Variants in MACC1 observed in about 807,000 individuals in gnomAD.
MACC1 encodes the protein metastasis-associated in colon cancer protein 1.
A neutral mutation model predicts 70.7 loss-of-function variants in MACC1; 79 were observed. The ratio of observed to expected loss-of-function variants is 1.12; its 90% CI spans 0.93 to 1.35. The LOEUF (loss-of-function observed/expected upper bound fraction) is 1.35. MACC1 is among the 40% of genes most tolerant of loss of function. The probability of loss-of-function intolerance (pLI) is 0.00; values close to 1 mark genes in which losing one functional copy is unlikely to be tolerated. For synonymous variants in MACC1, 361 were observed against 347.2 expected, an observed-to-expected ratio of 1.04 and a Z score of -0.44; for missense variants, 1,106 against 978.1, an observed-to-expected ratio of 1.13 and a Z score of -1.74.
intron 1 of MACC1, among the ~76,000 whole-genome samples, chr7:20,195,068 T>G (rs991765463): frequency 5.9e-5 from 9 of 152,198 alleles, no homozygotes; most frequent in Non-Finnish European, 5.9e-5. Context: ...GGAAAATTTT[T>G]TTCCTCCTAA....
intron 1 of MACC1, among the ~76,000 whole-genome samples, chr7:20,178,801 T>G (rs1375565899): frequency 6.6e-6 from 1 of 152,162 alleles, no homozygotes; most frequent in Non-Finnish European, 1.5e-5. Flanking sequence ...GGTTTCTCCA[T>G]GTTGGTCAGG....
chr7:20,163,241 T>C (rs1006264337), intron 3 of MACC1, among the ~76,000 whole-genome samples: 5 of 152,218 alleles, frequency 3.3e-5, no homozygotes, highest in African/African-American at 9.6e-5. Context: ...TTTTTACCTA[T>C]GAAATTTGCA....
At chr7:20,147,565 T>C (rs1420257373) in intron 6 of MACC1, 7 of 152,184 alleles carry the variant, frequency 4.6e-5, no homozygotes, top group Non-Finnish European at 7.3e-5. Context: ...ACATTTAACA[T>C]TACCTATAAT....
At position 20,136,355 on chromosome 7, in the gene MACC1, C is replaced by T. The variant is rs142565935; in HGVS notation, c.*4591G>A. ...CTTACTAATTATTATCCAGTGCTAA[C>T]CTCTCTGTCTCTACTCCCTCACATA... On this transcript the variant is annotated 3_prime_UTR_variant, in exon 7 of 7. Coordinates refer to ENST00000400331, the MANE Select transcript of MACC1 (RefSeq NM_182762.4). The T allele has an allele frequency of 1.6e-3, 240 of 152,298 alleles. 2 individuals carry two copies. The highest frequency in any genetic ancestry group is 5.5e-3 in the African/African-American group (230 of 41,558). 9.4% of individuals were successfully genotyped at this position (152,298 alleles called of 1,614,324 possible). A position where few individuals can be genotyped will look rare whatever the true frequency, so the allele number is the denominator to read the frequency against.
At chr7:20,158,159 A>T (rs751010535) in intron 5 of MACC1, 45 bp downstream of exon 5, 2 of 1,520,548 alleles carry the variant, frequency 1.3e-6, no homozygotes, top group Non-Finnish European at 1.7e-6. Context: ...TCAAGTTAAT[A>T]CAATTCTCGA....
intron 1 of MACC1, among the ~76,000 whole-genome samples, chr7:20,183,922 G>A (rs771510404): frequency 2.6e-5 from 4 of 151,938 alleles, no homozygotes; most frequent in Non-Finnish European, 5.9e-5. Context: ...TGGCCAGGCT[G>A]GTATCAAATT....
intron 1 of MACC1, among the ~76,000 whole-genome samples, chr7:20,191,379 G>A (rs1268500466): frequency 6.6e-6 from 1 of 152,190 alleles, no homozygotes; most frequent in East Asian, 1.9e-4. Flanking sequence ...GCATGGATGG[G>A]TGCCAAGCAA....
chr7:20,165,682 G>A (rs3095002), intron 2 of MACC1, among the ~76,000 whole-genome samples: 45,696 of 151,828 alleles, frequency 0.3, 7,904 homozygotes, highest in East Asian at 0.83. Flanking sequence ...GACAATTGCC[G>A]CCCAAAACAG....
intron 1 of MACC1, among the ~76,000 whole-genome samples, chr7:20,212,342 C>T (rs1201567677): frequency 6.6e-6 from 1 of 152,174 alleles, no homozygotes; most frequent in Non-Finnish European, 1.5e-5. Context: ...GATGTCTGTT[C>T]TGGCTGGAGA....
chr7:20,207,286 A>T (rs548967620), intron 1 of MACC1, among the ~76,000 whole-genome samples: 1 of 150,408 alleles, frequency 6.6e-6, no homozygotes, highest in Non-Finnish European at 1.5e-5. Context: ...GATTACAGGC[A>T]TGTGCCACCC....
rs747473071 is a variant in MACC1 at position 20,160,103 on chromosome 7, A to T, written c.258T>A (p.Asn86Lys). Residue 86 changes from asparagine (N) to lysine (K), a missense_variant, in exon 5 of 7, where the codon AAT becomes AAA. By Grantham distance (94) the Asn-to-Lys change is moderately conservative (BLOSUM62 0). Transcript: ENST00000400331. ...TGGAAATATTATTTCTCTTCCTGTTATTTCTTAGTTGAGTTATGTCATCCA... is the reference window on the plus strand; with the variant it reads ...TGGAAATATTATTTCTCTTCCTGTTTTTTCTTAGTTGAGTTATGTCATCCA... ...PFLDDITQLR[N>K]NRKRNNISIL... The T allele has an allele frequency of 1.9e-5, 30 of 1,612,838 alleles. No homozygotes were observed. The highest frequency in any genetic ancestry group is 3.3e-4 in the Middle Eastern group (2 of 6,082).
At chr7:20,176,941 T>C (rs144878301) in intron 1 of MACC1, among the ~76,000 whole-genome samples, 133 of 152,238 alleles carry the variant, frequency 8.7e-4, no homozygotes, top group African/African-American at 3.0e-3. Context: ...GATGTAACTA[T>C]AAAGGGGTAC....
chr7:20,172,039 T>C (rs1233140920), intron 1 of MACC1, among the ~76,000 whole-genome samples: 1 of 152,148 alleles, frequency 6.6e-6, no homozygotes, highest in African/African-American at 2.4e-5. Flanking sequence ...ACATAACTAA[T>C]GAGAATATTC....
chr7:20,193,868 C>T (rs1782709053), intron 1 of MACC1, among the ~76,000 whole-genome samples: 2 of 151,906 alleles, frequency 1.3e-5, no homozygotes, highest in South Asian at 2.1e-4. Flanking sequence ...TCTCCAACCC[C>T]GGCTCTGCCA....
intron 1 of MACC1, among the ~76,000 whole-genome samples, chr7:20,192,486 C>A (rs546866989): frequency 6.6e-6 from 1 of 152,306 alleles, no homozygotes; most frequent in Admixed American, 6.5e-5. Flanking sequence ...CAGCTAAGCC[C>A]TGACTTCTAG....
intron 1 of MACC1, among the ~76,000 whole-genome samples, chr7:20,175,300 T>C (rs940026274): frequency 7.2e-5 from 11 of 152,098 alleles, no homozygotes; most frequent in Non-Finnish European, 1.6e-4. Flanking sequence ...AGAAATCTGT[T>C]ACCACCAATA....
intron 1 of MACC1, among the ~76,000 whole-genome samples, chr7:20,191,504 G>T (rs966115812): frequency 1.3e-5 from 2 of 152,146 alleles, no homozygotes; most frequent in Non-Finnish European, 2.9e-5. Context: ...AGGAGTTGGT[G>T]CTATCAGTGG....
chr7:20,158,681 C>G lies in MACC1; in HGVS notation c.1680G>C (p.Val560=). 6.2e-7 allele frequency: 1 copy of G among 1,613,936 alleles called. No homozygotes were observed. The highest frequency in any genetic ancestry group is 8.5e-7 in the Non-Finnish European group (1 of 1,179,984). Residue 560 remains valine, a synonymous_variant, in exon 5 of 7, where the codon GTG becomes GTC. Transcript: ENST00000400331. The part of the protein sequence containing the change: ...FSNYGVTLKA[V]LRQSKIDYFL... ...AGTAATCAATCTTGCTTTGTCTTAG[C>G]ACTGCCTTCAGGGTTACCCCATAGT...
At chr7:20,161,294 A>C (rs911292229) in intron 4 of MACC1, among the ~76,000 whole-genome samples, 3 of 152,066 alleles carry the variant, frequency 2.0e-5, no homozygotes, top group Non-Finnish European at 4.4e-5. Flanking sequence ...ACCTTAATTG[A>C]AATGTTTTTA....
Sources: gnomAD v4.1 joint callset for allele counts (sites outside exome capture counted in the v4.1 genomes callset) on GRCh38, gnomAD v4.1.1 for gene constraint, MANE v1.5 for transcripts, NCBI Gene and HGNC (gene_info 2026-07-23, HGNC 2026-07-21) for gene names.